Variants in DNAJC3 observed in about 807,000 individuals in gnomAD.
DNAJC3 encodes the protein dnaJ homolog subfamily C member 3.
Under a neutral mutation model 68.6 loss-of-function variants are expected in DNAJC3, and 38 were observed. The observed-to-expected ratio is 0.55, with a 90% confidence interval of 0.43 to 0.73. The LOEUF is 0.73. Ranked by LOEUF, DNAJC3 falls within the 30% of genes least tolerant of loss-of-function variation. The pLI, the probability that DNAJC3 is intolerant of heterozygous loss-of-function variation, is 0.00. For missense variants in DNAJC3, 526 were observed against 591.9 expected (o/e 0.89, Z 1.16); for synonymous variants, 203 against 204.0 (o/e 1.00, Z 0.04).
At chr13:95,700,471 T>A (rs1474517617) in intron 1 of DNAJC3, among the ~76,000 whole-genome samples, 1 of 152,174 alleles carries the variant, frequency 6.6e-6, no homozygotes, top group Non-Finnish European at 1.5e-5. Flanking sequence ...TTTCCATTCC[T>A]TATACCAAGA....
chr13:95,749,825 G>A lies in DNAJC3; in HGVS notation c.394-7819G>A, dbSNP rs1259167660. Among the ~76,000 whole-genome samples the A allele has an allele frequency of 2.0e-5, 3 of 152,142 alleles. No homozygotes were observed. In the East Asian group the frequency reaches 5.8e-4, roughly 30 times the overall value. On this transcript the variant is annotated intron_variant, in intron 4 of 11. Coordinates refer to ENST00000602402, the MANE Select transcript of DNAJC3 (RefSeq NM_006260.5). ...AGCACTTTGTGAGGCCGAGGCAGGC[G>A]GATCATCAGGTCAGGAGATTGACAC...
At chr13:95,749,562 A>T (rs921100147) in intron 4 of DNAJC3, among the ~76,000 whole-genome samples, 1 of 152,162 alleles carries the variant, frequency 6.6e-6, no homozygotes, top group Admixed American at 6.5e-5. Flanking sequence ...GAAGAGATTG[A>T]TGGGGAGGGA....
chr13:95,787,223 G>T, intron 11 of DNAJC3, 68 bp downstream of exon 11: 1 of 1,559,624 alleles, frequency 6.4e-7, no homozygotes, highest in Non-Finnish European at 8.7e-7. Context: ...GGAACATGTG[G>T]TGGGTTCTCC....
intron 11 of DNAJC3, 58 bp from the exon 12 acceptor site, chr13:95,790,815 C>T (rs996365149): frequency 1.0e-6 from 1 of 992,528 alleles, no homozygotes; most frequent in South Asian, 1.4e-5. Context: ...AGAAAACATT[C>T]CCCCTGCCCC....
chr13:95,774,441 T>A (rs1309345731), intron 9 of DNAJC3, among the ~76,000 whole-genome samples: 2 of 152,226 alleles, frequency 1.3e-5, no homozygotes, highest in Admixed American at 1.3e-4. Flanking sequence ...AGGCTTGTTT[T>A]GTGGTCCAGC....
In DNAJC3 at chr13:95,793,011, G is replaced by A. The variant is rs2139705319; in HGVS notation, c.*1981G>A. 6.6e-6 allele frequency: 1 copy of A among 152,336 alleles called. No homozygotes were observed. Among genetic ancestry groups the A allele is most frequent in the South Asian group, 2.1e-4 (1 of 4,828 alleles). The allele number at this position is 152,336 out of a possible 1,614,324, so 9.4% of individuals were successfully genotyped here. On this transcript the variant is annotated 3_prime_UTR_variant, in exon 12 of 12. Transcript: ENST00000602402. The stretch of plus-strand genomic sequence containing the variant: ...GGGTCAAGGGCCGCACAGGAGATGT[G>A]TGGGGGCCTGGCCACCTCCCACCTG...
chr13:95,728,785 G>A (rs138078374), intron 4 of DNAJC3, among the ~76,000 whole-genome samples: 1 of 152,108 alleles, frequency 6.6e-6, no homozygotes, highest in Non-Finnish European at 1.5e-5. Flanking sequence ...ATCTATCACT[G>A]AATATTTATC....
chr13:95,734,520 A>G (rs909942087), intron 4 of DNAJC3, among the ~76,000 whole-genome samples: 2 of 152,086 alleles, frequency 1.3e-5, no homozygotes, highest in African/African-American at 4.8e-5. Flanking sequence ...AACTGTATCT[A>G]TTTTGGGTTA....
At chr13:95,772,484 T>C (rs1178688668) in intron 9 of DNAJC3, among the ~76,000 whole-genome samples, 1 of 152,242 alleles carries the variant, frequency 6.6e-6, no homozygotes, top group Non-Finnish European at 1.5e-5. Flanking sequence ...TTTATACAGC[T>C]ACAATAAAGT....
chr13:95,724,590 T>C (rs1881444400), intron 3 of DNAJC3, among the ~76,000 whole-genome samples: 1 of 152,212 alleles, frequency 6.6e-6, no homozygotes, highest in Non-Finnish European at 1.5e-5. Flanking sequence ...TCACAAGTTG[T>C]GCAGTGGTCA....
Position 95,773,003 on chromosome 13 carries a change from C to T in DNAJC3, c.1075+9050C>T, listed in dbSNP as rs1025077433. Among the ~76,000 whole-genome samples the T allele has an allele frequency of 2.6e-5, 4 of 151,752 alleles. No individual in the cohort carries two copies. In the East Asian group the frequency reaches 7.7e-4, roughly 29 times the overall value. ...TGGACTCAAACAGTTCAAAATTGTC[C>T]CTCCTCTATTTTCTGAAAGAGTCAT... On this transcript the variant is annotated intron_variant, in intron 9 of 11. Transcript: ENST00000602402.
intron 11 of DNAJC3, 125 bp downstream of exon 11, chr13:95,787,280 GGTCCAGTTTTAT>G: frequency 8.1e-7 from 1 of 1,241,566 alleles, no homozygotes. Context: ...CAGTTCCAGA[GGTCCAGTTTTAT>G]GCCTGCCCTC....
chr13:95,682,480 G>C (rs1879944397), intron 1 of DNAJC3, among the ~76,000 whole-genome samples: 1 of 151,868 alleles, frequency 6.6e-6, no homozygotes, highest in Non-Finnish European at 1.5e-5. Flanking sequence ...CCACCTTTAA[G>C]TTTAAAAAAA....
chr13:95,710,005 A>G (rs577219324), intron 2 of DNAJC3, among the ~76,000 whole-genome samples: 42 of 152,238 alleles, frequency 2.8e-4, no homozygotes, highest in South Asian at 1.9e-3. Flanking sequence ...TGGGTTTTCA[A>G]TATGTTCACT....
At chr13:95,741,342 G>GT (rs1882136662) in intron 4 of DNAJC3, among the ~76,000 whole-genome samples, 1 of 152,146 alleles carries the variant, frequency 6.6e-6, no homozygotes, top group African/African-American at 2.4e-5. Context: ...AGTGTCAGTG[G>GT]TATCTGTGAT....
At chr13:95,679,398 A>C (rs1016659474) in intron 1 of DNAJC3, among the ~76,000 whole-genome samples, 1 of 152,108 alleles carries the variant, frequency 6.6e-6, no homozygotes, top group African/African-American at 2.4e-5. Flanking sequence ...AAGACCCTGG[A>C]TGACCACACT....
chr13:95,698,597 TGCACA>T (rs1247074470), intron 1 of DNAJC3, among the ~76,000 whole-genome samples: 13 of 152,202 alleles, frequency 8.5e-5, no homozygotes, highest in Non-Finnish European at 1.9e-4. Context: ...TCAGTGCAGA[TGCACA>T]GTGTTGTCTG....
At chr13:95,679,653 T>A (rs527699424) in intron 1 of DNAJC3, among the ~76,000 whole-genome samples, 2 of 152,144 alleles carry the variant, frequency 1.3e-5, no homozygotes, top group African/African-American at 4.8e-5. Context: ...AGGATTTTTG[T>A]TAAATAGGTA....
rs3087336 is a variant in DNAJC3, at chr13:95,760,808, T to C, written c.848+10T>C. ...TCATCAGAGATGGCAGGTGAGAATA[T>C]GGTTGTTCCAACTGTCCAGCCATTC... On this transcript the variant is annotated intron_variant, in intron 7 of 11. Transcript: ENST00000602402. The C allele has an allele frequency of 2.8e-3, 4,466 of 1,609,102 alleles. 111 individuals carry two copies. In the African/African-American group the frequency reaches 0.053, roughly 19 times the overall value.
Sources: gnomAD v4.1 joint callset for allele counts (sites outside exome capture counted in the v4.1 genomes callset) on GRCh38, gnomAD v4.1.1 for gene constraint, MANE v1.5 for transcripts, NCBI Gene and HGNC (gene_info 2026-07-23, HGNC 2026-07-21) for gene names.